GPHN: variants seen among roughly 807,000 people sequenced by gnomAD.
GPHN encodes the protein gephyrin.
In GPHN, 17 loss-of-function variants were observed where a neutral mutation model predicts 95.5. The observed-to-expected ratio is 0.18, with a 90% CI of 0.12 to 0.27. The LOEUF (loss-of-function observed/expected upper bound fraction) is 0.27. Ranked by LOEUF, GPHN falls within the 10% of genes least tolerant of loss-of-function variation. The pLI is 1.00. For missense variants in GPHN, 660 were observed against 978.1 expected, an observed-to-expected ratio of 0.67 and a Z score of 4.34; for synonymous variants, 320 against 322.5, an observed-to-expected ratio of 0.99 and a Z score of 0.08.
intron 2 of GPHN, among the ~76,000 whole-genome samples, chr14:66,764,736 C>A (rs1023165589): frequency 6.6e-6 from 1 of 151,870 alleles, no homozygotes; most frequent in Non-Finnish European, 1.5e-5. Flanking sequence ...CAAGAAAAAT[C>A]AGTAAATCTA....
At chr14:66,699,023 A>G (rs2068312625) in intron 2 of GPHN, among the ~76,000 whole-genome samples, 1 of 152,212 alleles carries the variant, frequency 6.6e-6, no homozygotes, top group Non-Finnish European at 1.5e-5. Context: ...GAGTGAGAAT[A>G]TTAGTCAATG....
At chr14:67,173,484 A>G (rs115284284) in intron 21 of GPHN, among the ~76,000 whole-genome samples, 1 of 152,182 alleles carries the variant, frequency 6.6e-6, no homozygotes, top group Non-Finnish European at 1.5e-5. Flanking sequence ...TGCTGCATGG[A>G]AACTATACCA....
chr14:67,382,816 CTA>C, the GPHN span: 1 of 536,422 alleles, frequency 1.9e-6, no homozygotes, highest in Admixed American at 3.5e-5. Flanking sequence ...TGTGGCATGT[CTA>C]AAATTTGATC....
the GPHN span, among the ~76,000 whole-genome samples, chr14:67,251,260 G>A: frequency 5.9e-5 from 9 of 152,252 alleles, no homozygotes; most frequent in East Asian, 1.3e-3. Context: ...TGAGGCTGGC[G>A]CAGTGGCTCA....
the GPHN span, among the ~76,000 whole-genome samples, chr14:67,277,951 A>G: frequency 1.3e-5 from 2 of 152,096 alleles, no homozygotes; most frequent in African/African-American, 4.8e-5. Context: ...GCTGTACAGT[A>G]TGACTCTCAA....
chr14:67,009,577 A>T (rs933637090), intron 9 of GPHN, among the ~76,000 whole-genome samples: 1 of 152,084 alleles, frequency 6.6e-6, no homozygotes, highest in Admixed American at 6.5e-5. Flanking sequence ...CTGATCCCAA[A>T]TGTCTTAATG....
At chr14:66,955,525 T>C (rs946570629) in intron 8 of GPHN, among the ~76,000 whole-genome samples, 1 of 152,208 alleles carries the variant, frequency 6.6e-6, no homozygotes, top group Non-Finnish European at 1.5e-5. Flanking sequence ...GTCAGCCTAC[T>C]TAAAGATTTG....
At chr14:66,609,981 CTT>C (rs1348304705) in intron 1 of GPHN, among the ~76,000 whole-genome samples, 3 of 152,102 alleles carry the variant, frequency 2.0e-5, no homozygotes, top group Admixed American at 6.6e-5. Context: ...CTTCTGCACT[CTT>C]TTGGAAAGAA....
the GPHN span, among the ~76,000 whole-genome samples, chr14:67,430,304 T>C: frequency 6.6e-6 from 1 of 152,112 alleles, no homozygotes; most frequent in Non-Finnish European, 1.5e-5. Flanking sequence ...TTATAGGGAA[T>C]AACATACGGG....
At chr14:66,696,174 C>G (rs1446401517) in intron 2 of GPHN, among the ~76,000 whole-genome samples, 5 of 151,982 alleles carry the variant, frequency 3.3e-5, no homozygotes, top group Non-Finnish European at 7.4e-5. Flanking sequence ...ATTTCTTTTT[C>G]CTTTAAAGAA....
chr14:66,756,471 C>A (rs1164020673), intron 2 of GPHN, among the ~76,000 whole-genome samples: 1 of 152,066 alleles, frequency 6.6e-6, no homozygotes, highest in Non-Finnish European at 1.5e-5. Context: ...ACTCGAGCAT[C>A]CTCTGCATTT....
At chr14:67,359,777 T>C in the GPHN span, 1 of 1,543,442 alleles carries the variant, frequency 6.5e-7, no homozygotes, top group East Asian at 2.2e-5. Flanking sequence ...CTCCACAGTG[T>C]CTTCCTCTAC....
At chr14:66,966,129 T>A (rs995157422) in intron 9 of GPHN, among the ~76,000 whole-genome samples, 2 of 152,192 alleles carry the variant, frequency 1.3e-5, no homozygotes, top group African/African-American at 4.8e-5. Flanking sequence ...TAAGACATGA[T>A]GTTAGACACT....
the GPHN span, among the ~76,000 whole-genome samples, chr14:67,435,024 T>TAGTG: frequency 0.29 from 42,919 of 149,722 alleles, 6,386 homozygotes; most frequent in Middle Eastern, 0.37. Context: ...TGGAGTGCAA[T>TAGTG]AGTGCCATTT....
chr14:67,593,874 G>A, the GPHN span: 66 of 1,612,718 alleles, frequency 4.1e-5, no homozygotes, highest in Non-Finnish European at 5.5e-5. Context: ...AGAGTCTCCT[G>A]ATCAATCTTC....
At chr14:67,650,369 G>C in the GPHN span, 1 of 307,572 alleles carries the variant, frequency 3.3e-6, no homozygotes, top group Non-Finnish European at 6.2e-6. Flanking sequence ...TACTGGAGGT[G>C]GCATACATTT....
the GPHN span, among the ~76,000 whole-genome samples, chr14:67,496,488 C>G: frequency 6.9e-6 from 1 of 144,634 alleles, no homozygotes; most frequent in South Asian, 2.2e-4. Context: ...ACTGCAGCCT[C>G]TGCTACCCAG....
intron 5 of GPHN, among the ~76,000 whole-genome samples, chr14:66,908,373 G>A (rs2065489618): frequency 6.6e-6 from 1 of 151,944 alleles, no homozygotes; most frequent in Non-Finnish European, 1.5e-5. Context: ...AAAAATGTGA[G>A]CAACAAAATA....
rs562068671 is a variant in GPHN, at chr14:66,720,989, G to A, written c.143+39804G>A. ...GAGCCAGCAAAATTTTGAAGAAAAG[G>A]TTATTAAATAATTATAATCACCCTT... On this transcript the variant is annotated intron_variant, in intron 2 of 22. Transcript: ENST00000478722. Among the ~76,000 whole-genome samples, 7 of 152,284 alleles carry A rather than the reference G, an allele frequency of 4.6e-5. No individual in the cohort carries two copies. In the East Asian group the frequency reaches 1.3e-3, roughly 29 times the overall value.
Sources: gnomAD v4.1 joint callset for allele counts (sites outside exome capture counted in the v4.1 genomes callset) on GRCh38, gnomAD v4.1.1 for gene constraint, MANE v1.5 for transcripts, NCBI Gene and HGNC (gene_info 2026-07-23, HGNC 2026-07-21) for gene names.